The following ZNF561 variants were observed in gnomAD, a reference collection of about 807,000 sequenced individuals.
ZNF561 encodes the protein zinc finger protein 561.
In ZNF561, 16 loss-of-function variants were observed where a neutral mutation model predicts 16.7. The observed-to-expected ratio is 0.96, with a 90% CI of 0.65 to 1.45. The LOEUF (loss-of-function observed/expected upper bound fraction) is 1.45, where lower values mean the gene tolerates loss of function less well. ZNF561 is among the 40% of genes most tolerant of loss of function. The probability of loss-of-function intolerance (pLI) is 0.00; values close to 1 mark genes in which losing one functional copy is unlikely to be tolerated. For missense variants in ZNF561, 580 were observed against 578.0 expected, an observed-to-expected ratio of 1.00 and a Z score of -0.04; for synonymous variants, 190 against 192.1, an observed-to-expected ratio of 0.99 and a Z score of 0.09.
chr19:9,616,149 A>C (rs1040814098), intron 4 of ZNF561, among the ~76,000 whole-genome samples: 2 of 152,256 alleles, frequency 1.3e-5, no homozygotes, highest in Non-Finnish European at 2.9e-5. Context: ...AAATTAAAAC[A>C]TACTACAGCA....
intron 5 of ZNF561, among the ~76,000 whole-genome samples, chr19:9,612,487 G>A (rs2074479158): frequency 6.6e-6 from 1 of 151,654 alleles, no homozygotes; most frequent in South Asian, 2.1e-4. Context: ...CAAATTGCTG[G>A]GATTACAGGC....
chr19:9,618,015 G>T, intron 3 of ZNF561, 76 bp downstream of exon 3: 2 of 1,354,258 alleles, frequency 1.5e-6, no homozygotes, highest in Non-Finnish European at 2.0e-6. Context: ...CTGAAGATGA[G>T]TCTGTCTAGA....
In ZNF561 at chr19:9,614,164, GT is replaced by G. The variant is rs1371684883; in HGVS notation, c.242-62del. 9.4e-5 allele frequency: 148 copies of G among 1,576,064 alleles called. No homozygotes were observed. In the South Asian group the frequency reaches 1.5e-3, roughly 16 times the overall value. ...GAGAAGAAATATTCATTTAAAATGAGTCATTTTTACTTGTTTTCAAATTAAA... is the reference window on the plus strand; with the variant it reads ...GAGAAGAAATATTCATTTAAAATGAGCATTTTTACTTGTTTTCAAATTAAA... On this transcript the variant is annotated intron_variant, in intron 4 of 5. Transcript: ENST00000302851.
chr19:9,616,092 C>T (rs558751264), intron 4 of ZNF561, among the ~76,000 whole-genome samples: 1 of 152,156 alleles, frequency 6.6e-6, no homozygotes, highest in Non-Finnish European at 1.5e-5. Context: ...ATATTTCTTA[C>T]AGCACAAAGC....
chr19:9,617,263 C>A (rs2074572376), intron 3 of ZNF561, 92 bp from the exon 4 acceptor site: 2 of 1,471,962 alleles, frequency 1.4e-6, no homozygotes, highest in Non-Finnish European at 1.8e-6. Context: ...TACTCACTTA[C>A]ACGTGGTTGT....
chr19:9,616,558 G>T (rs2074557390), intron 4 of ZNF561, among the ~76,000 whole-genome samples: 1 of 151,834 alleles, frequency 6.6e-6, no homozygotes, highest in African/African-American at 2.4e-5. Context: ...TGGGATTATA[G>T]ATGTAAGCCA....
rs1378792763 is a variant in ZNF561, at chr19:9,617,920, T to A, written c.114+171A>T. 4.6e-6 allele frequency: 3 copies of A among 653,342 alleles called. No individual in the cohort carries two copies. The Admixed American group carries it at 6.5e-5, about 14-fold the overall frequency. The allele number at this position is 653,342 out of a possible 1,614,324, so 40.5% of individuals were successfully genotyped here. On this transcript the variant is annotated intron_variant, in intron 3 of 5. Coordinates refer to ENST00000302851, the MANE Select transcript of ZNF561 (RefSeq NM_152289.3). Reference sequence around the variant, plus strand: ...ACTGGACTGATTTTCAAGTTAACATTTTATGTATAGGAGACTTCATTCCCT... The same window carrying A: ...ACTGGACTGATTTTCAAGTTAACATATTATGTATAGGAGACTTCATTCCCT...
At chr19:9,614,840 C>CTT (rs779251988) in intron 4 of ZNF561, among the ~76,000 whole-genome samples, 10 of 137,570 alleles carry the variant, frequency 7.3e-5, no homozygotes, top group South Asian at 2.4e-4. Context: ...CTTTAAAAAT[C>CTT]TTTTTTTTTT....
In ZNF561 at chr19:9,609,937, C is replaced by A; in HGVS notation, c.*263G>T. The stretch of plus-strand genomic sequence containing the variant: ...TCTGCATGATTTATCTCATACACAA[C>A]TTGTTAATGCTATGATCTTAGGAAT... On this transcript the variant is annotated 3_prime_UTR_variant, in exon 6 of 6. Coordinates refer to ENST00000302851, the MANE Select transcript of ZNF561 (RefSeq NM_152289.3). 3.0e-6 allele frequency: 1 copy of A among 329,520 alleles called. No individual in the cohort carries two copies. The highest frequency in any genetic ancestry group is 4.3e-5 in the Admixed American group (1 of 23,214). 20.4% of individuals were successfully genotyped at this position (329,520 alleles called of 1,614,324 possible).
Position 9,617,305 on chromosome 19 carries a change from T to C in ZNF561, c.115-134A>G, listed in dbSNP as rs1458148514. ...TCCCATGATCTACTCCAGGGTTTAA[T>C]GTCTCAGGAGCTCTTGTGTCTAAAC... is the stretch of plus-strand genomic sequence containing the variant. On this transcript the variant is annotated intron_variant, in intron 3 of 5. Transcript: ENST00000302851. 9.6e-6 allele frequency: 13 copies of C among 1,357,004 alleles called. No homozygotes were observed. The East Asian group carries it at 3.5e-4, about 37-fold the overall frequency. The allele number at this position is 1,357,004 out of a possible 1,614,324, so 84.1% of individuals were successfully genotyped here.
chr19:9,617,390 A>T (rs898677841), intron 3 of ZNF561: 3 of 1,109,060 alleles, frequency 2.7e-6, no homozygotes, highest in Non-Finnish European at 3.4e-6. Flanking sequence ...AATTTTTTTA[A>T]ATCTTTTTTT....
At chr19:9,613,216 C>T (rs1320166293) in intron 5 of ZNF561, among the ~76,000 whole-genome samples, 1 of 152,198 alleles carries the variant, frequency 6.6e-6, no homozygotes, top group Non-Finnish European at 1.5e-5. Context: ...AAATTCATCA[C>T]ATTCAGACTA....
At chr19:9,612,903 A>T (rs1302080291) in intron 5 of ZNF561, among the ~76,000 whole-genome samples, 1 of 152,166 alleles carries the variant, frequency 6.6e-6, no homozygotes, top group African/African-American at 2.4e-5. Context: ...TGAAGCCATC[A>T]TCCTGCCTCA....
At chr19:9,617,464 A>C (rs1417084495) in intron 3 of ZNF561, 1 of 334,908 alleles carries the variant, frequency 3.0e-6, no homozygotes, top group Non-Finnish European at 4.4e-6. Flanking sequence ...TTTTATTTTG[A>C]TTAGAACAGT....
At chr19:9,620,693 T>C (rs2074656415) in intron 1 of ZNF561, among the ~76,000 whole-genome samples, 1 of 152,192 alleles carries the variant, frequency 6.6e-6, no homozygotes, top group South Asian at 2.1e-4. Flanking sequence ...ACCAGCCACG[T>C]GTGTTATTGA....
chr19:9,617,573 T>C, intron 3 of ZNF561: 1 of 420,982 alleles, frequency 2.4e-6, no homozygotes, highest in South Asian at 1.7e-5. Flanking sequence ...CAGGCACAAC[T>C]GCTGATTACT....
chr19:9,609,946 G>A lies in ZNF561; in HGVS notation c.*254C>T, dbSNP rs996523909. ...TTTATCTCATACACAACTTGTTAAT[G>A]CTATGATCTTAGGAATCTAATCACC... On this transcript the variant is annotated 3_prime_UTR_variant, in exon 6 of 6. Coordinates refer to ENST00000302851, the MANE Select transcript of ZNF561 (RefSeq NM_152289.3). The A allele has an allele frequency of 2.8e-6, 1 of 360,482 alleles. No homozygotes were observed. The highest frequency in any genetic ancestry group is 5.0e-6 in the Non-Finnish European group (1 of 198,220). The allele number at this position is 360,482 out of a possible 1,614,324, so 22.3% of individuals were successfully genotyped here.
Position 9,609,126 on chromosome 19 carries a change from G to T in ZNF561, c.*1074C>A, listed in dbSNP as rs1276712436. 2 of 152,194 alleles carry T rather than the reference G, an allele frequency of 1.3e-5. No individual in the cohort carries two copies. 9.4% of individuals were successfully genotyped at this position (152,194 alleles called of 1,614,324 possible). A position where few individuals can be genotyped will look rare whatever the true frequency, so the allele number is the denominator to read the frequency against. On this transcript the variant is annotated 3_prime_UTR_variant, in exon 6 of 6. Coordinates refer to ENST00000302851, the MANE Select transcript of ZNF561 (RefSeq NM_152289.3). ...ATTTGTGCCTTAAGGACATGTTCCT[G>T]TTGCAGATAACAAGCCAGAGCCTGT... is the stretch of plus-strand genomic sequence containing the variant.
At chr19:9,614,196 C>A (rs1047897224) in intron 4 of ZNF561, 93 bp from the exon 5 acceptor site, 1 of 1,486,602 alleles carries the variant, frequency 6.7e-7, no homozygotes, top group African/African-American at 1.4e-5. Flanking sequence ...TTAAACACAG[C>A]AATAAAATAA....
Sources: gnomAD v4.1 joint callset for allele counts (sites outside exome capture counted in the v4.1 genomes callset) on GRCh38, gnomAD v4.1.1 for gene constraint, MANE v1.5 for transcripts, NCBI Gene and HGNC (gene_info 2026-07-23, HGNC 2026-07-21) for gene names.